Variants in SPAST observed in about 807,000 individuals in gnomAD.
The protein encoded by SPAST is spastin.
In SPAST, 30 loss-of-function variants were observed where a neutral mutation model predicts 76.6. The observed-to-expected ratio is 0.39, with a 90% CI of 0.29 to 0.53. The LOEUF is 0.53. Ranked by LOEUF, SPAST falls within the 20% of genes least tolerant of loss-of-function variation. The pLI, the probability that SPAST is intolerant of heterozygous loss-of-function variation, is 0.68. For missense variants in SPAST, 717 were observed against 770.5 expected (o/e 0.93, Z 0.82); for synonymous variants, 305 against 281.0 (o/e 1.09, Z -0.86).
chr2:32,102,379 G>A (rs1392065701), intron 4 of SPAST, among the ~76,000 whole-genome samples: 4 of 152,142 alleles, frequency 2.6e-5, no homozygotes, highest in African/African-American at 9.7e-5. Flanking sequence ...GGGCTGAGAT[G>A]ATGGGGTTTT....
At chr2:32,067,338 A>C (rs532078851) in intron 1 of SPAST, among the ~76,000 whole-genome samples, 1 of 152,140 alleles carries the variant, frequency 6.6e-6, no homozygotes, top group Non-Finnish European at 1.5e-5. Context: ...CTGGGATTAC[A>C]GGTGTGAGCC....
chr2:32,125,858 A>G (rs1373150286), intron 7 of SPAST, among the ~76,000 whole-genome samples: 4 of 151,866 alleles, frequency 2.6e-5, no homozygotes, highest in Non-Finnish European at 5.9e-5. Context: ...GCAGTGGCGC[A>G]ATCTTGGCTC....
intron 4 of SPAST, among the ~76,000 whole-genome samples, chr2:32,109,676 A>G (rs979564510): frequency 3.3e-5 from 5 of 149,722 alleles, no homozygotes; most frequent in African/African-American, 1.2e-4. Flanking sequence ...ATATATTAAT[A>G]TAACTAATAT....
chr2:32,067,133 C>G (rs1487753325), intron 1 of SPAST, among the ~76,000 whole-genome samples: 2 of 152,102 alleles, frequency 1.3e-5, no homozygotes, highest in East Asian at 3.8e-4. Context: ...ATGATCTTGG[C>G]TCACTGCAAC....
At chr2:32,110,160 C>T (rs573651026) in intron 4 of SPAST, among the ~76,000 whole-genome samples, 3 of 146,246 alleles carry the variant, frequency 2.1e-5, no homozygotes, top group Admixed American at 2.1e-4. Flanking sequence ...GCCCTGTCCC[C>T]CAGGCTGGAA....
intron 1 of SPAST, among the ~76,000 whole-genome samples, chr2:32,086,659 G>A (rs1174655679): frequency 6.6e-6 from 1 of 151,848 alleles, no homozygotes; most frequent in African/African-American, 2.4e-5. Flanking sequence ...TCCAGAGGCT[G>A]AGACAGCAGA....
Position 32,063,758 on chromosome 2 carries a change from G to A in SPAST, c.-74G>A, listed in dbSNP as rs1442972574. The A allele has an allele frequency of 4.6e-6, 7 of 1,522,620 alleles. No homozygotes were observed. In the Admixed American group the frequency reaches 7.9e-5, roughly 17 times the overall value. The allele number at this position is 1,522,620 out of a possible 1,614,324, so 94.3% of individuals were successfully genotyped here. A position where few individuals can be genotyped will look rare whatever the true frequency, so the allele number is the denominator to read the frequency against. ...GGTCTGTGGCCCCCGCCGTAGCAGT[G>A]GCTGCCGCCGTCGCTTGGTTCCCGT... On this transcript the variant is annotated 5_prime_UTR_variant, in exon 1 of 17. Coordinates refer to ENST00000315285, the MANE Select transcript of SPAST (RefSeq NM_014946.4).
At chr2:32,079,968 A>G (rs1266274528) in intron 1 of SPAST, among the ~76,000 whole-genome samples, 1 of 152,182 alleles carries the variant, frequency 6.6e-6, no homozygotes, top group Non-Finnish European at 1.5e-5. Flanking sequence ...GAATTACTGA[A>G]TTATATGGTA....
In SPAST at chr2:32,072,924, A is replaced by G. The variant is rs1344284228; in HGVS notation, c.415+8678A>G. On this transcript the variant is annotated intron_variant, in intron 1 of 16. Coordinates refer to ENST00000315285, the MANE Select transcript of SPAST (RefSeq NM_014946.4). ...ATAAATCTGATAAATGGACATTCAG[A>G]TGATACCATACTTTTCCAAAAGATA... Among the ~76,000 whole-genome samples the G allele has an allele frequency of 2.0e-5, 3 of 152,236 alleles. No individual in the cohort carries two copies. The East Asian group carries it at 5.8e-4, about 29-fold the overall frequency.
chr2:32,088,842 A>G (rs1276224159), intron 2 of SPAST, among the ~76,000 whole-genome samples: 1 of 152,150 alleles, frequency 6.6e-6, no homozygotes, highest in African/African-American at 2.4e-5. Flanking sequence ...ATCTGTGACC[A>G]AATTGGTGCA....
intron 3 of SPAST, among the ~76,000 whole-genome samples, chr2:32,091,841 T>A (rs7557034): frequency 0.26 from 38,845 of 150,070 alleles, 5,389 homozygotes; most frequent in East Asian, 0.55. Flanking sequence ...CTCAAAAAAA[T>A]AAAATAAAAT....
At chr2:32,088,172 G>A (rs1009621040) in intron 2 of SPAST, among the ~76,000 whole-genome samples, 1 of 151,958 alleles carries the variant, frequency 6.6e-6, no homozygotes, top group Non-Finnish European at 1.5e-5. Context: ...ACAGGCATGA[G>A]CCACTGTGGG....
At chr2:32,111,970 TTAGTAGTAGTAG>T (rs55815291) in intron 4 of SPAST, among the ~76,000 whole-genome samples, 31 of 141,280 alleles carry the variant, frequency 2.2e-4, no homozygotes, top group South Asian at 6.6e-4. Flanking sequence ...TATAATTAAG[TTAGTAGTAGTAG>T]TAGTAGTAGT....
chr2:32,154,271 A>G, intron 16 of SPAST, 103 bp from the exon 17 acceptor site: 1 of 1,003,060 alleles, frequency 1.0e-6, no homozygotes, highest in Non-Finnish European at 1.5e-6. Flanking sequence ...TATATTTTTT[A>G]TAACATTAAG....
intron 16 of SPAST, among the ~76,000 whole-genome samples, chr2:32,151,442 T>G (rs1425188643): frequency 6.6e-6 from 1 of 152,198 alleles, no homozygotes; most frequent in Non-Finnish European, 1.5e-5. Flanking sequence ...GGCATTTTAT[T>G]ATAGAGATTA....
rs555262184 is a variant in SPAST at position 32,129,929 on chromosome 2, G to A, written c.1245+1450G>A. On this transcript the variant is annotated intron_variant, in intron 9 of 16. Transcript: ENST00000315285. ...CGAGAGGATCTCTTGAGCCTGAGAGGTTGAGGCTGCAGTGAACTGTGATCA... is the reference window on the plus strand; with the variant it reads ...CGAGAGGATCTCTTGAGCCTGAGAGATTGAGGCTGCAGTGAACTGTGATCA... 3.9e-5 allele frequency: 6 copies of A among 152,732 alleles called. No individual in the cohort carries two copies. In the East Asian group the frequency reaches 9.6e-4, roughly 25 times the overall value. The allele number at this position is 152,732 out of a possible 1,614,324, so 9.5% of individuals were successfully genotyped here. A position where few individuals can be genotyped will look rare whatever the true frequency, so the allele number is the denominator to read the frequency against.
intron 16 of SPAST, among the ~76,000 whole-genome samples, chr2:32,147,788 C>A (rs966788459): frequency 6.6e-6 from 1 of 151,918 alleles, no homozygotes; most frequent in African/African-American, 2.4e-5. Context: ...CCCACCACCA[C>A]GCCTGGCTAA....
intron 7 of SPAST, among the ~76,000 whole-genome samples, chr2:32,120,609 G>T (rs1678986872): frequency 3.0e-5 from 4 of 133,526 alleles, no homozygotes; most frequent in Admixed American, 8.1e-5. Flanking sequence ...ACCTTTTCCT[G>T]GAACCACCTT....
chr2:32,083,527 T>C (rs1001726635), intron 1 of SPAST, among the ~76,000 whole-genome samples: 5 of 150,976 alleles, frequency 3.3e-5, no homozygotes, highest in Non-Finnish European at 7.4e-5. Flanking sequence ...CAAAATTGGG[T>C]GCATTGTTGT....
Sources: allele counts gnomAD v4.1 joint callset (sites outside exome capture counted in the v4.1 genomes callset), GRCh38; gene constraint gnomAD v4.1.1; transcripts MANE v1.5; gene names NCBI Gene and HGNC (gene_info 2026-07-23, HGNC 2026-07-21).